Variants in HOMER2 observed in about 807,000 individuals in gnomAD.
HOMER2 encodes the protein homer protein homolog 2.
HOMER2 carries 27 observed loss-of-function variants against 47.0 expected under a neutral mutation model. That is an observed-to-expected ratio of 0.57 (90% CI 0.42 to 0.79). The LOEUF (loss-of-function observed/expected upper bound fraction) is 0.79. HOMER2 is among the 30% of genes least tolerant of loss of function. The probability of loss-of-function intolerance (pLI) is 0.00; values close to 1 mark genes in which losing one functional copy is unlikely to be tolerated. For missense variants in HOMER2, 443 were observed against 435.0 expected (o/e 1.02, Z -0.16); for synonymous variants, 161 against 163.8 (o/e 0.98, Z 0.13).
chr15:82,861,529 G>A (rs1199023879), intron 4 of HOMER2, among the ~76,000 whole-genome samples: 1 of 152,136 alleles, frequency 6.6e-6, no homozygotes, highest in Admixed American at 6.5e-5. Context: ...CTTCTTTATA[G>A]TATGGTATAT....
upstream of HOMER2, among the ~76,000 whole-genome samples, chr15:82,955,754 G>A (rs1443751852): frequency 1.3e-5 from 2 of 152,210 alleles, no homozygotes; most frequent in South Asian, 4.1e-4. Context: ...ATCACCTGCT[G>A]TGTATCTGGT....
intron 1 of HOMER2, among the ~76,000 whole-genome samples, chr15:82,960,865 C>G (rs954615575): frequency 6.6e-6 from 1 of 152,164 alleles, no homozygotes; most frequent in Non-Finnish European, 1.5e-5. Context: ...AATCTGGGGT[C>G]CTCATAGTGA....
chr15:82,894,696 A>C (rs973767289), intron 1 of HOMER2, among the ~76,000 whole-genome samples: 2 of 151,274 alleles, frequency 1.3e-5, no homozygotes, highest in African/African-American at 4.9e-5. Flanking sequence ...AAATAGTCCC[A>C]TTGTTTATAA....
intron 1 of HOMER2, among the ~76,000 whole-genome samples, chr15:82,935,084 G>C (rs1339622186): frequency 3.3e-5 from 5 of 151,776 alleles, no homozygotes; most frequent in Non-Finnish European, 7.4e-5. Flanking sequence ...TCTGCCCCCC[G>C]CCTTCAACTG....
downstream of HOMER2, chr15:82,845,218 TCACA>T (rs33974319): frequency 0.053 from 7,740 of 145,926 alleles, 226 homozygotes; most frequent in African/African-American, 0.071. Flanking sequence ...TGCTGTTTCT[TCACA>T]CACACACACA....
intron 3 of HOMER2, among the ~76,000 whole-genome samples, chr15:82,867,214 A>G (rs933667221): frequency 6.6e-6 from 1 of 152,220 alleles, no homozygotes; most frequent in Non-Finnish European, 1.5e-5. Context: ...TTCTGAAGAA[A>G]AAAAAATTCT....
intron 2 of HOMER2, among the ~76,000 whole-genome samples, chr15:82,876,359 T>C (rs941269597): frequency 6.6e-6 from 1 of 152,206 alleles, no homozygotes; most frequent in Non-Finnish European, 1.5e-5. Flanking sequence ...GAACATTTAC[T>C]ATACACCAGA....
At chr15:82,847,051 A>G (rs1359556994), downstream of HOMER2, 1 of 152,246 alleles carries the variant, frequency 6.6e-6, no homozygotes. Context: ...CCTCAATTGC[A>G]AACTGAAAAT....
At position 82,864,331 on chromosome 15, in the gene HOMER2, T is replaced by TTTA. The variant is rs1451895427; in HGVS notation, c.295-75_295-73dup. ...GGCTGGTATTCAGAACCCACCTTTA[T>TTTA]TTATTTTGCATCCATTTTAGGCCCA... On this transcript the variant is annotated intron_variant, in intron 3 of 8. Coordinates refer to ENST00000450735, the MANE Select transcript of HOMER2 (RefSeq NM_004839.4). 6 of 996,016 alleles carry TTTA rather than the reference T, an allele frequency of 6.0e-6. No homozygotes were observed. In the African/African-American group the frequency reaches 8.1e-5, roughly 13 times the overall value. The allele number at this position is 996,016 out of a possible 1,614,324, so 61.7% of individuals were successfully genotyped here.
chr15:82,854,192 G>A (rs2051490521), intron 6 of HOMER2, among the ~76,000 whole-genome samples: 1 of 152,174 alleles, frequency 6.6e-6, no homozygotes, highest in African/African-American at 2.4e-5. Flanking sequence ...ATCACCTGAG[G>A]CCAGGAGTTT....
chr15:82,962,036 T>A (rs534906281), intron 1 of HOMER2, among the ~76,000 whole-genome samples: 38 of 151,656 alleles, frequency 2.5e-4, no homozygotes, highest in African/African-American at 8.9e-4. Flanking sequence ...AGTGCTGGAA[T>A]TACAGATGTG....
At chr15:82,864,626 G>A (rs984154474) in intron 3 of HOMER2, among the ~76,000 whole-genome samples, 2 of 152,042 alleles carry the variant, frequency 1.3e-5, no homozygotes, top group African/African-American at 4.8e-5. Context: ...TGAATACTAA[G>A]TATTTAGGAG....
exon 2 of HOMER2, chr15:82,840,218 G>C (rs2151582040): frequency 6.6e-6 from 1 of 152,058 alleles, no homozygotes; most frequent in East Asian, 1.9e-4. Context: ...AAGAAGGTGG[G>C]AAAATAATAA....
At chr15:82,971,131 T>C (rs1379914728) in intron 1 of HOMER2, among the ~76,000 whole-genome samples, 1 of 152,234 alleles carries the variant, frequency 6.6e-6, no homozygotes, top group Admixed American at 6.5e-5. Flanking sequence ...GAGAACATCA[T>C]GAGCTTGGTT....
At chr15:82,918,031 G>T (rs548733236) in intron 1 of HOMER2, among the ~76,000 whole-genome samples, 1 of 152,112 alleles carries the variant, frequency 6.6e-6, no homozygotes, top group African/African-American at 2.4e-5. Flanking sequence ...GGAGCAGCTC[G>T]GAGCAGGATC....
chr15:82,894,467 C>T (rs1185493159), intron 1 of HOMER2, among the ~76,000 whole-genome samples: 2 of 151,730 alleles, frequency 1.3e-5, no homozygotes, highest in Admixed American at 6.6e-5. Context: ...GTCAGGAGAT[C>T]GAGACCATCC....
chr15:82,837,990 T>TAA (rs1258708444), exon 2 of HOMER2: 3 of 152,330 alleles, frequency 2.0e-5, no homozygotes, highest in Admixed American at 1.3e-4. Flanking sequence ...CTTTGGGGCC[T>TAA]AAAAGAGGAA....
In HOMER2 at chr15:82,859,023, C is replaced by G. The variant is rs763009182; in HGVS notation, c.494+6G>C. ...AAATAGAATCTGGACTTTAAAACAG[C>G]CTTACCTCTGCGTCAAGGCAATCTT... On this transcript the variant is annotated splice_donor_region_variant and intron_variant, in intron 5 of 8. Coordinates refer to ENST00000450735, the MANE Select transcript of HOMER2 (RefSeq NM_004839.4). The G allele has an allele frequency of 1.1e-5, 17 of 1,612,940 alleles. No individual in the cohort carries two copies. The highest frequency in any genetic ancestry group is 1.1e-5 in the Non-Finnish European group (13 of 1,179,164).
chr15:82,909,673 C>G (rs2053397955), intron 1 of HOMER2, among the ~76,000 whole-genome samples: 3 of 152,084 alleles, frequency 2.0e-5, no homozygotes, highest in African/African-American at 7.2e-5. Context: ...AAATGGAGAA[C>G]AAAGAACCAG....
Sources: allele counts gnomAD v4.1 joint callset (sites outside exome capture counted in the v4.1 genomes callset), GRCh38; gene constraint gnomAD v4.1.1; transcripts MANE v1.5; gene names NCBI Gene and HGNC (gene_info 2026-07-23, HGNC 2026-07-21).